The following CHRM2 variants were observed in gnomAD, a reference collection of about 807,000 sequenced individuals.
CHRM2 encodes muscarinic acetylcholine receptor M2.
A neutral mutation model predicts 25.0 loss-of-function variants in CHRM2; 8 were observed. The ratio of observed to expected loss-of-function variants is 0.32; its 90% CI spans 0.19 to 0.58. CHRM2 has a LOEUF of 0.58. Ranked by LOEUF, CHRM2 falls within the 20% of genes least tolerant of loss-of-function variation. CHRM2 has a pLI of 0.88. For synonymous variants in CHRM2, 202 were observed against 205.7 expected (o/e 0.98, Z 0.15); for missense variants, 440 against 567.1 (o/e 0.78, Z 2.28).
intron 2 of CHRM2, among the ~76,000 whole-genome samples, chr7:136,949,356 C>T (rs1800254875): frequency 6.6e-6 from 1 of 151,622 alleles, no homozygotes; most frequent in South Asian, 2.1e-4. Flanking sequence ...ATGATTCACA[C>T]CTGTAATCCC....
At chr7:136,940,236 A>G (rs566020874) in intron 2 of CHRM2, among the ~76,000 whole-genome samples, 65 of 152,336 alleles carry the variant, frequency 4.3e-4, no homozygotes, top group Middle Eastern at 3.4e-3. Flanking sequence ...TAAAATTGAT[A>G]TATCAGTGGT....
chr7:136,954,282 G>A (rs1800590804), intron 2 of CHRM2, among the ~76,000 whole-genome samples: 1 of 152,066 alleles, frequency 6.6e-6, no homozygotes, highest in Non-Finnish European at 1.5e-5. Context: ...AAAAGTTGGT[G>A]GTCTGTTGTC....
chr7:137,015,849 C>T lies in CHRM2; in HGVS notation c.984C>T (p.Gly328=). 1 of 1,612,986 alleles carries T rather than the reference C, an allele frequency of 6.2e-7. No individual in the cohort carries two copies. ...CTAAGCAAACATGCATCAGAATTGG[C>T]ACCAAGACCCCAAAAAGTGACTCAT... ...ENSKQTCIRI[G]TKTPKSDSCT... The change falls in exon 4 of 4, where the codon GGC becomes GGT. Residue 328 remains glycine, a synonymous_variant. Coordinates refer to ENST00000680005, the MANE Select transcript of CHRM2 (RefSeq NM_001006630.2). This position sits in a 1 kb window ranked among gnomAD's most constrained non-coding sequence, Gnocchi z 5.1.
chr7:136,924,192 C>CT (rs576412629), intron 2 of CHRM2, among the ~76,000 whole-genome samples: 374 of 150,750 alleles, frequency 2.5e-3, no homozygotes, highest in Non-Finnish European at 4.3e-3. Context: ...CACATTATTT[C>CT]TTTTTTTTTC....
intron 2 of CHRM2, among the ~76,000 whole-genome samples, chr7:136,901,630 A>G (rs1303837821): frequency 6.6e-6 from 1 of 151,728 alleles, no homozygotes; most frequent in Non-Finnish European, 1.5e-5. Context: ...CCCCATTTCC[A>G]TTGTTATTTT....
intron 2 of CHRM2, among the ~76,000 whole-genome samples, chr7:136,924,757 C>T (rs1157623353): frequency 6.6e-6 from 1 of 152,112 alleles, no homozygotes; most frequent in Non-Finnish European, 1.5e-5. Context: ...TCATCCTTGC[C>T]AACACTCTGC....
At chr7:136,902,818 T>C (rs1016575560) in intron 2 of CHRM2, 12 of 252,824 alleles carry the variant, frequency 4.7e-5, no homozygotes, top group Non-Finnish European at 8.4e-5. Context: ...ATGTAAATAT[T>C]TGCTCAATCA....
At chr7:137,002,322 T>C (rs547745407) in intron 3 of CHRM2, among the ~76,000 whole-genome samples, 19 of 152,334 alleles carry the variant, frequency 1.2e-4, no homozygotes, top group Non-Finnish European at 2.1e-4. Context: ...CACTCAAATT[T>C]GACATATGAA....
chr7:136,973,773 G>A (rs1801937012), intron 2 of CHRM2, among the ~76,000 whole-genome samples: 1 of 151,906 alleles, frequency 6.6e-6, no homozygotes, highest in Non-Finnish European at 1.5e-5. Flanking sequence ...TGGTAATGGA[G>A]TTGATGGTGG....
rs1428962387 is a variant in CHRM2, at chr7:137,015,736, G to C, written c.871G>C (p.Ala291Pro). The C allele has an allele frequency of 1.9e-6, 3 of 1,613,296 alleles. No individual in the cohort carries two copies. The highest frequency in any genetic ancestry group is 2.5e-6 in the Non-Finnish European group (3 of 1,179,556). The change falls in exon 4 of 4, where the codon GCT becomes CCT. Residue 291 changes from alanine to proline, a missense_variant. This residue lies in a region of CHRM2 where 261 missense variants were observed against 261.8 expected (regional missense o/e 1.00). Transcript: ENST00000680005. The surrounding 1 kb of genome is among the most constrained non-coding windows in gnomAD (Gnocchi z 5.1). ...ESSNDSTSVS[A>P]VASNMRDDEI... is the part of the protein sequence containing the mutation. ...CTCCAATGACTCCACCTCAGTCAGT[G>C]CTGTTGCCTCTAATATGAGAGATGA... is the stretch of plus-strand genomic sequence containing the variant.
At chr7:137,012,708 A>AT (rs1002356662) in intron 3 of CHRM2, among the ~76,000 whole-genome samples, 11 of 151,824 alleles carry the variant, frequency 7.2e-5, no homozygotes, top group East Asian at 1.9e-4. Context: ...ATATCTCGGG[A>AT]TTTTTTTGCT....
At chr7:136,878,160 T>C (rs1796120794) in intron 2 of CHRM2, among the ~76,000 whole-genome samples, 1 of 151,928 alleles carries the variant, frequency 6.6e-6, no homozygotes. Flanking sequence ...TCTACTTAAT[T>C]GTGTTCTTTG....
At chr7:136,960,381 CA>C (rs1223206341) in intron 2 of CHRM2, among the ~76,000 whole-genome samples, 1 of 152,184 alleles carries the variant, frequency 6.6e-6, no homozygotes, top group Non-Finnish European at 1.5e-5. Context: ...TTCTTCTCCC[CA>C]TTTCTAACAC....
intron 2 of CHRM2, among the ~76,000 whole-genome samples, chr7:136,947,916 A>G (rs897264892): frequency 6.6e-6 from 1 of 152,148 alleles, no homozygotes; most frequent in Non-Finnish European, 1.5e-5. Context: ...GACAAGAGAC[A>G]ACTGCAAGAA....
chr7:136,938,085 G>C (rs754219925), intron 2 of CHRM2, among the ~76,000 whole-genome samples: 1 of 152,134 alleles, frequency 6.6e-6, no homozygotes, highest in Admixed American at 6.5e-5. Flanking sequence ...TCTGGAGTTG[G>C]GAATTGGTCA....
intron 2 of CHRM2, among the ~76,000 whole-genome samples, chr7:136,977,851 A>G (rs1406159404): frequency 6.6e-6 from 1 of 152,166 alleles, no homozygotes; most frequent in Non-Finnish European, 1.5e-5. Flanking sequence ...GTTTTCTTCC[A>G]GAATTTGTAT....
intron 3 of CHRM2, among the ~76,000 whole-genome samples, chr7:137,004,735 C>T (rs575944689): frequency 7.9e-5 from 12 of 152,178 alleles, no homozygotes; most frequent in South Asian, 6.2e-4. Flanking sequence ...TAAATTAGTG[C>T]TTTAGATACA....
intron 2 of CHRM2, among the ~76,000 whole-genome samples, chr7:136,976,656 C>G (rs1009349864): frequency 2.6e-5 from 4 of 152,124 alleles, no homozygotes; most frequent in Admixed American, 2.6e-4. Flanking sequence ...TATTCTCGTG[C>G]ATCAGGTCTG....
At chr7:136,920,627 C>T (rs1262057900) in intron 2 of CHRM2, among the ~76,000 whole-genome samples, 1 of 152,152 alleles carries the variant, frequency 6.6e-6, no homozygotes, top group Admixed American at 6.5e-5. Flanking sequence ...TCTCTACACC[C>T]TAAGCATGTG....
Sources: allele counts gnomAD v4.1 joint callset (sites outside exome capture counted in the v4.1 genomes callset), GRCh38; gene constraint gnomAD v4.1.1; regional missense constraint gnomAD v4.1.1; non-coding constraint Gnocchi (gnomAD v3.1); transcripts MANE v1.5; gene names NCBI Gene and HGNC (gene_info 2026-07-23, HGNC 2026-07-21).